The following LARGE1 variants were observed in gnomAD, a reference collection of about 807,000 sequenced individuals.
The protein encoded by LARGE1 is LARGE xylosyl- and glucuronyltransferase 1.
Under a neutral mutation model 87.6 loss-of-function variants are expected in LARGE1, and 43 were observed. The ratio of observed to expected loss-of-function variants is 0.49; its 90% CI spans 0.38 to 0.63. LARGE1 has a LOEUF of 0.63. Ranked by LOEUF, LARGE1 falls within the 30% of genes least tolerant of loss-of-function variation. The pLI is 0.00. For missense variants in LARGE1, 802 were observed against 1,000.2 expected, an observed-to-expected ratio of 0.80 and a Z score of 2.67; for synonymous variants, 434 against 394.6, an observed-to-expected ratio of 1.10 and a Z score of -1.18.
At position 33,426,984 on chromosome 22, in the gene LARGE1, C is replaced by T. The variant is rs572747431; in HGVS notation, c.892+5177G>A. 3.3e-5 allele frequency among the ~76,000 whole-genome samples: 5 copies of T among 152,352 alleles called. No individual in the cohort carries two copies. The South Asian group carries it at 1.0e-3, about 32-fold the overall frequency. On this transcript the variant is annotated intron_variant, in intron 7 of 14. Transcript: ENST00000397394. The stretch of plus-strand genomic sequence containing the variant: ...TTCTTTCTACCGACCTGCCTTCCCT[C>T]ACCTCATTCTCCAATCCCCTGCTAT...
intron 1 of LARGE1, among the ~76,000 whole-genome samples, chr22:33,811,311 T>A (rs898396197): frequency 1.3e-5 from 2 of 152,136 alleles, no homozygotes; most frequent in African/African-American, 4.8e-5. Flanking sequence ...AGCACACACA[T>A]TAATAAAACA....
At chr22:33,301,628 T>C (rs1328576076) in intron 12 of LARGE1, among the ~76,000 whole-genome samples, 3 of 152,196 alleles carry the variant, frequency 2.0e-5, no homozygotes, top group African/African-American at 7.2e-5. Flanking sequence ...CTCTGGTCTC[T>C]CTATTGAATT....
At chr22:33,740,256 G>T (rs1285708843) in intron 2 of LARGE1, among the ~76,000 whole-genome samples, 2 of 152,122 alleles carry the variant, frequency 1.3e-5, no homozygotes, top group African/African-American at 4.8e-5. Flanking sequence ...GATGTCCCCA[G>T]ATACTTAGGT....
chr22:33,442,203 C>A (rs1053285040), intron 6 of LARGE1, among the ~76,000 whole-genome samples: 4 of 152,156 alleles, frequency 2.6e-5, no homozygotes, highest in Admixed American at 2.6e-4. Context: ...CTTCCGATCA[C>A]CGGAATGGTT....
At chr22:33,592,687 G>A (rs2078874525) in intron 5 of LARGE1, among the ~76,000 whole-genome samples, 1 of 148,036 alleles carries the variant, frequency 6.8e-6, no homozygotes, top group African/African-American at 2.6e-5. Flanking sequence ...GTGTAACTCT[G>A]TACACACTGT....
Position 33,421,566 on chromosome 22 carries a change from T to TA in LARGE1, c.892+10594dup, listed in dbSNP as rs777590932. Among the ~76,000 whole-genome samples, 49 of 152,338 alleles carry TA rather than the reference T, an allele frequency of 3.2e-4. No individual in the cohort carries two copies. The East Asian group carries it at 9.4e-3, about 29-fold the overall frequency. The stretch of plus-strand genomic sequence containing the variant: ...TACTGCAGGCCCTCCGTCTGCCTCT[T>TA]AAAAAACAAGGTAACTATGCCTACA... On this transcript the variant is annotated intron_variant, in intron 7 of 14. Coordinates refer to ENST00000397394, the MANE Select transcript of LARGE1 (RefSeq NM_133642.5).
chr22:33,558,918 T>G (rs2077774082), intron 6 of LARGE1, among the ~76,000 whole-genome samples: 1 of 152,224 alleles, frequency 6.6e-6, no homozygotes, highest in African/African-American at 2.4e-5. Flanking sequence ...GCAGGAGTCC[T>G]TAGAGAAAAT....
chr22:33,575,394 A>G (rs2078325017), intron 5 of LARGE1, among the ~76,000 whole-genome samples: 1 of 152,192 alleles, frequency 6.6e-6, no homozygotes, highest in Non-Finnish European at 1.5e-5. Flanking sequence ...TCTATACCTC[A>G]TAGGCAGTTT....
At chr22:33,069,560 T>A in the LARGE1 span, among the ~76,000 whole-genome samples, 1 of 152,098 alleles carries the variant, frequency 6.6e-6, no homozygotes, top group Non-Finnish European at 1.5e-5. Context: ...TGTTTCCCTA[T>A]CTGTAAAATG....
intron 11 of LARGE1, among the ~76,000 whole-genome samples, chr22:33,187,420 T>G (rs920029498): frequency 9.2e-5 from 14 of 152,170 alleles, no homozygotes; most frequent in African/African-American, 3.4e-4. Flanking sequence ...CTCACTTATA[T>G]GTGGAATCTA....
intron 11 of LARGE1, among the ~76,000 whole-genome samples, chr22:33,263,052 C>T (rs1927731984): frequency 6.6e-6 from 1 of 151,928 alleles, no homozygotes; most frequent in South Asian, 2.1e-4. Flanking sequence ...ACCACCATGC[C>T]CAGCTAGTTT....
chr22:33,265,648 G>A (rs867015140), intron 11 of LARGE1, among the ~76,000 whole-genome samples: 27 of 152,198 alleles, frequency 1.8e-4, no homozygotes, highest in African/African-American at 6.5e-4. Flanking sequence ...GGCAAGGATA[G>A]TGTCTTATTC....
intron 1 of LARGE1, among the ~76,000 whole-genome samples, chr22:33,786,779 T>C (rs1293208496): frequency 6.6e-6 from 1 of 152,156 alleles, no homozygotes; most frequent in Non-Finnish European, 1.5e-5. Context: ...CCCAGCACTT[T>C]GGGAGGCCAA....
At chr22:33,839,605 T>C (rs2063212720) in intron 1 of LARGE1, among the ~76,000 whole-genome samples, 1 of 152,236 alleles carries the variant, frequency 6.6e-6, no homozygotes, top group South Asian at 2.1e-4. Context: ...TACCGCAGCC[T>C]GTATAGATCA....
intron 2 of LARGE1, among the ~76,000 whole-genome samples, chr22:33,742,617 T>G (rs1318922887): frequency 6.6e-6 from 1 of 152,204 alleles, no homozygotes; most frequent in Admixed American, 6.5e-5. Flanking sequence ...CAAGAACCCC[T>G]GCACTTTCTA....
At chr22:33,227,679 G>A (rs996177859) in intron 11 of LARGE1, among the ~76,000 whole-genome samples, 1 of 152,148 alleles carries the variant, frequency 6.6e-6, no homozygotes, top group African/African-American at 2.4e-5. Flanking sequence ...GTCTCTATCT[G>A]CAGTTCTAAG....
chr22:33,548,806 T>G (rs1304396313), intron 6 of LARGE1, among the ~76,000 whole-genome samples: 1 of 152,218 alleles, frequency 6.6e-6, no homozygotes, highest in Admixed American at 6.5e-5. Context: ...AAATAAAATT[T>G]AAAAAGAGGA....
chr22:33,593,030 G>T (rs571014027), intron 5 of LARGE1, among the ~76,000 whole-genome samples: 28 of 152,252 alleles, frequency 1.8e-4, no homozygotes, highest in African/African-American at 6.7e-4. Flanking sequence ...TAGTAGAGAC[G>T]GGGTTTCACC....
At chr22:33,642,875 A>C (rs756801774) in intron 3 of LARGE1, among the ~76,000 whole-genome samples, 2 of 152,162 alleles carry the variant, frequency 1.3e-5, no homozygotes, top group African/African-American at 4.8e-5. Context: ...ATACACACCC[A>C]ATACTGGAGC....
Sources: gnomAD v4.1 joint callset for allele counts (sites outside exome capture counted in the v4.1 genomes callset) on GRCh38, gnomAD v4.1.1 for gene constraint, MANE v1.5 for transcripts, NCBI Gene and HGNC (gene_info 2026-07-23, HGNC 2026-07-21) for gene names.